Variants in RTL4 observed in about 807,000 individuals in gnomAD.
RTL4 encodes retrotransposon Gag like 4.
RTL4 carries 4 observed loss-of-function variants against 5.3 expected under a neutral mutation model. The ratio of observed to expected loss-of-function variants is 0.75; its 90% CI spans 0.37 to 1.72. RTL4 has a LOEUF of 1.72. Among genes scored for constraint, RTL4 ranks in the 40% most tolerant of loss-of-function variants. RTL4 has a pLI of 0.04. For synonymous variants in RTL4, 98 were observed against 87.3 expected (o/e 1.12, Z -0.68); for missense variants, 260 against 227.1 (o/e 1.14, Z -0.93).
chrX:112,083,523 A>C, the RTL4 span, among the ~76,000 whole-genome samples: 1 of 111,505 alleles, frequency 9.0e-6, no homozygotes, highest in Non-Finnish European at 1.9e-5. Flanking sequence ...AGATTAATCT[A>C]GTTGGAGCTA....
At chrX:112,203,447 G>T in the RTL4 span, among the ~76,000 whole-genome samples, 25 of 111,228 alleles carry the variant, frequency 2.2e-4, no homozygotes, top group East Asian at 6.5e-3. Flanking sequence ...TGAGGTTTAG[G>T]TCAGGATTCA....
At chrX:112,289,453 T>A in the RTL4 span, among the ~76,000 whole-genome samples, 1 of 112,101 alleles carries the variant, frequency 8.9e-6, no homozygotes, top group African/African-American at 3.2e-5. Flanking sequence ...ATAAAAACAA[T>A]TAGAATAAAC....
At chrX:112,210,414 C>T in the RTL4 span, among the ~76,000 whole-genome samples, 627 of 111,829 alleles carry the variant, frequency 5.6e-3, 4 homozygotes, top group African/African-American at 0.019. Context: ...GATTAAGTAA[C>T]TGAATAAATG....
the RTL4 span, among the ~76,000 whole-genome samples, chrX:112,291,025 C>T: frequency 2.7e-5 from 3 of 111,455 alleles, no homozygotes; most frequent in Non-Finnish European, 3.8e-5. Context: ...AGACAGCTAG[C>T]GGATGGCAGG....
the RTL4 span, among the ~76,000 whole-genome samples, chrX:112,267,520 GTCTTC>G: frequency 1.2e-4 from 13 of 111,695 alleles, no homozygotes; most frequent in East Asian, 3.4e-3. Flanking sequence ...CAGTCTCACA[GTCTTC>G]TCTTCTATTT....
At chrX:112,385,492 T>G in the RTL4 span, among the ~76,000 whole-genome samples, 17 of 111,759 alleles carry the variant, frequency 1.5e-4, no homozygotes, top group Non-Finnish European at 2.6e-4. Context: ...CTTTTTACCT[T>G]TGTCAAAAAT....
the RTL4 span, among the ~76,000 whole-genome samples, chrX:112,274,842 A>C: frequency 3.6e-5 from 4 of 111,863 alleles, no homozygotes; most frequent in South Asian, 3.8e-4. Flanking sequence ...AAATTCCCAT[A>C]ATCAAATAAG....
chrX:112,373,135 T>C, the RTL4 span, among the ~76,000 whole-genome samples: 3 of 111,908 alleles, frequency 2.7e-5, no homozygotes, highest in African/African-American at 6.5e-5. Context: ...GTGTAACTTA[T>C]GTACACATTA....
chrX:112,446,294 T>C, the RTL4 span, among the ~76,000 whole-genome samples: 1 of 111,718 alleles, frequency 9.0e-6, no homozygotes, highest in Non-Finnish European at 1.9e-5. Context: ...CTGGGCTAAT[T>C]TGAAACTGTT....
At chrX:112,245,745 A>G in the RTL4 span, among the ~76,000 whole-genome samples, 2 of 112,149 alleles carry the variant, frequency 1.8e-5, no homozygotes, top group Admixed American at 9.4e-5. Flanking sequence ...ATTGCTGGTA[A>G]AGAGCTGCAA....
chrX:112,318,198 C>T, the RTL4 span, among the ~76,000 whole-genome samples: 1 of 111,738 alleles, frequency 8.9e-6, no homozygotes, highest in Non-Finnish European at 1.9e-5. Flanking sequence ...CTTTCTCAAT[C>T]TTGTATCTCA....
the RTL4 span, among the ~76,000 whole-genome samples, chrX:112,392,157 C>A: frequency 9.0e-6 from 1 of 111,716 alleles, no homozygotes; most frequent in Non-Finnish European, 1.9e-5. Context: ...CCACAACAGA[C>A]GCAGTGGCAG....
chrX:112,113,530 G>A, the RTL4 span, among the ~76,000 whole-genome samples: 1 of 111,248 alleles, frequency 9.0e-6, no homozygotes, highest in African/African-American at 3.3e-5. Flanking sequence ...CCATGCCAGT[G>A]TCCAGGGGGA....
the RTL4 span, among the ~76,000 whole-genome samples, chrX:112,284,611 G>C: frequency 9.0e-6 from 1 of 111,070 alleles, no homozygotes; most frequent in South Asian, 3.8e-4. Flanking sequence ...GTAGTTGTGT[G>C]TGGCCCAAAG....
At chrX:112,172,986 A>C in the RTL4 span, among the ~76,000 whole-genome samples, 21 of 90,857 alleles carry the variant, frequency 2.3e-4, no homozygotes, top group Admixed American at 2.6e-3. Context: ...AGGGGGAACA[A>C]CACACACTGG....
At chrX:112,385,981 C>T in the RTL4 span, among the ~76,000 whole-genome samples, 1 of 112,007 alleles carries the variant, frequency 8.9e-6, no homozygotes, top group South Asian at 3.7e-4. Flanking sequence ...TAGTTCCCTG[C>T]AGGTACACAA....
chrX:112,339,130 C>G, the RTL4 span, among the ~76,000 whole-genome samples: 1 of 111,137 alleles, frequency 9.0e-6, no homozygotes, highest in East Asian at 2.8e-4. Context: ...GACTCCATAC[C>G]GTAAGTAACA....
the RTL4 span, among the ~76,000 whole-genome samples, chrX:112,264,808 G>C: frequency 1.8e-5 from 2 of 112,149 alleles, no homozygotes; most frequent in African/African-American, 6.5e-5. Context: ...GTTAGTGGAA[G>C]AGAGAGAAGC....
the RTL4 span, among the ~76,000 whole-genome samples, chrX:112,275,456 T>A: frequency 1.8e-5 from 2 of 111,703 alleles, no homozygotes. Flanking sequence ...ATGTAGTGTT[T>A]AAGAGCATCA....
Sources: gnomAD v4.1 joint callset for allele counts (sites outside exome capture counted in the v4.1 genomes callset) on GRCh38, gnomAD v4.1.1 for gene constraint, MANE v1.5 for transcripts, NCBI Gene and HGNC (gene_info 2026-07-23, HGNC 2026-07-21) for gene names.